The following WSCD2 variants were observed in gnomAD, a reference collection of about 807,000 sequenced individuals.
WSCD2 encodes WSC domain sialate O sulfotransferase 2, also known as sialate:O-sulfotransferase 2.
In WSCD2, 28 loss-of-function variants were observed where a neutral mutation model predicts 55.7. That is an observed-to-expected ratio of 0.50 (90% CI 0.37 to 0.69). The LOEUF (loss-of-function observed/expected upper bound fraction) is 0.69. WSCD2 is among the 30% of genes least tolerant of loss of function. The probability of loss-of-function intolerance (pLI) is 0.00; values close to 1 mark genes in which losing one functional copy is unlikely to be tolerated. For missense variants in WSCD2, 616 were observed against 762.1 expected, an observed-to-expected ratio of 0.81 and a Z score of 2.26; for synonymous variants, 301 against 301.9, an observed-to-expected ratio of 1.00 and a Z score of 0.03.
chr12:108,192,974 T>A (rs1264204246), intron 1 of WSCD2, among the ~76,000 whole-genome samples: 1 of 151,984 alleles, frequency 6.6e-6, no homozygotes, highest in Non-Finnish European at 1.5e-5. Flanking sequence ...TGTCATGAGA[T>A]CCTCAAAGAG....
rs1241375833 is a variant in WSCD2, at chr12:108,155,473, G to A, written c.-552+25547G>A. Among the ~76,000 whole-genome samples the A allele has an allele frequency of 2.6e-5, 4 of 152,224 alleles. No individual in the cohort carries two copies. In the East Asian group the frequency reaches 7.7e-4, roughly 29 times the overall value. ...TTGTTGAATGACTGATTGACTGACAGAAGAAATGGCAGTATGATTCTTGTG... is the reference window on the plus strand; with the variant it reads ...TTGTTGAATGACTGATTGACTGACAAAAGAAATGGCAGTATGATTCTTGTG... On this transcript the variant is annotated intron_variant, in intron 1 of 8. Transcript: ENST00000547525.
At chr12:108,188,835 CA>C (rs1202572826) in intron 1 of WSCD2, among the ~76,000 whole-genome samples, 1 of 152,160 alleles carries the variant, frequency 6.6e-6, no homozygotes, top group Admixed American at 6.5e-5. Context: ...TCCGCCATGG[CA>C]TCATGACACT....
chr12:108,210,393 C>T lies in WSCD2; in HGVS notation c.682+88C>T. The T allele has an allele frequency of 2.1e-6, 3 of 1,449,034 alleles. No homozygotes were observed. The highest frequency in any genetic ancestry group is 2.8e-6 in the Non-Finnish European group (3 of 1,090,288). The allele number at this position is 1,449,034 out of a possible 1,614,324, so 89.8% of individuals were successfully genotyped here. On this transcript the variant is annotated intron_variant, in intron 4 of 8. Transcript: ENST00000547525. This position sits in a 1 kb window ranked among gnomAD's most constrained non-coding sequence, Gnocchi z 4.3. ...AAGAGTCCCACATGTCTGCCCTGTA[C>T]CCTCCATGGCTCCCCATCACTCCAA...
chr12:108,157,548 G>A (rs887975088), intron 1 of WSCD2, among the ~76,000 whole-genome samples: 2 of 151,944 alleles, frequency 1.3e-5, no homozygotes, highest in African/African-American at 2.4e-5. Context: ...TCCCTTTTTT[G>A]TATCTTTTTA....
intron 1 of WSCD2, among the ~76,000 whole-genome samples, chr12:108,136,786 A>C (rs1876272678): frequency 6.6e-6 from 1 of 151,632 alleles, no homozygotes; most frequent in African/African-American, 2.4e-5. Flanking sequence ...GGGGTGATGC[A>C]CGGTTTCAGG....
intron 2 of WSCD2, among the ~76,000 whole-genome samples, chr12:108,201,664 C>T (rs983512137): frequency 3.3e-5 from 5 of 152,112 alleles, no homozygotes; most frequent in Admixed American, 2.6e-4. Context: ...GAACCCAGAT[C>T]TGGTTAGATC....
intron 1 of WSCD2, among the ~76,000 whole-genome samples, chr12:108,185,171 G>A (rs1332700619): frequency 1.3e-5 from 2 of 152,178 alleles, no homozygotes; most frequent in Non-Finnish European, 2.9e-5. Context: ...CAAGCACCTG[G>A]ACCTTGGACC....
intron 1 of WSCD2, among the ~76,000 whole-genome samples, chr12:108,190,369 G>C (rs1215583016): frequency 6.6e-6 from 1 of 151,626 alleles, no homozygotes; most frequent in Non-Finnish European, 1.5e-5. Context: ...GTGAAGCTTG[G>C]GTGGTCTGGG....
At chr12:108,246,031 T>C (rs1188837872) in intron 8 of WSCD2, among the ~76,000 whole-genome samples, 1 of 152,232 alleles carries the variant, frequency 6.6e-6, no homozygotes, top group East Asian at 1.9e-4. Flanking sequence ...AACCGTTCAC[T>C]GAGCACCTGC....
intron 8 of WSCD2, among the ~76,000 whole-genome samples, chr12:108,245,988 A>G (rs954252848): frequency 6.6e-6 from 1 of 152,256 alleles, no homozygotes; most frequent in Non-Finnish European, 1.5e-5. Context: ...CCACACTGCA[A>G]TTTGGCAGTT....
chr12:108,194,258 G>GCTCT (rs1211659523), intron 1 of WSCD2, among the ~76,000 whole-genome samples: 4 of 152,100 alleles, frequency 2.6e-5, no homozygotes, highest in Non-Finnish European at 1.5e-5. Flanking sequence ...TATTCACCAG[G>GCTCT]CTCTCAGGTG....
In WSCD2 at chr12:108,250,170, TAGTG is replaced by T. The variant is rs1890351686; in HGVS notation, c.*1828_*1831del. On this transcript the variant is annotated 3_prime_UTR_variant, in exon 9 of 9. Transcript: ENST00000547525. ...CAGGTTCACAAATGGGATGTTTTCC[TAGTG>T]TGTGTGTGTGTGTGTGTGTGTGTGT... The T allele has an allele frequency of 1.2e-5, 1 of 82,314 alleles. No individual in the cohort carries two copies. The highest frequency in any genetic ancestry group is 1.2e-4 in the Admixed American group (1 of 8,666). The allele number at this position is 82,314 out of a possible 1,614,324, so 5.1% of individuals were successfully genotyped here. A position where few individuals can be genotyped will look rare whatever the true frequency, so the allele number is the denominator to read the frequency against.
intron 4 of WSCD2, among the ~76,000 whole-genome samples, chr12:108,221,397 A>G (rs1345503071): frequency 6.6e-6 from 1 of 152,148 alleles, no homozygotes; most frequent in East Asian, 1.9e-4. Context: ...TCTACTAAAA[A>G]TACAAAAATT....
intron 4 of WSCD2, among the ~76,000 whole-genome samples, chr12:108,218,528 G>A (rs1887108766): frequency 6.6e-6 from 1 of 152,200 alleles, no homozygotes. Context: ...CCCAAAAGAT[G>A]GGTGCCCAGC....
Position 108,210,083 on chromosome 12 carries a change from T to C in WSCD2, c.498-38T>C. ...GTGTCTCCCTGCCTCGGGGTCTCCA[T>C]GGTGGCAGCTACCCTGCTTGACAGC... On this transcript the variant is annotated intron_variant, in intron 3 of 8. Coordinates refer to ENST00000547525, the MANE Select transcript of WSCD2 (RefSeq NM_014653.4). This position sits in a 1 kb window ranked among gnomAD's most constrained non-coding sequence, Gnocchi z 4.3. 6.2e-7 allele frequency: 1 copy of C among 1,613,552 alleles called. No individual in the cohort carries two copies. Among genetic ancestry groups the C allele is most frequent in the Non-Finnish European group, 8.5e-7 (1 of 1,179,738 alleles).
intron 4 of WSCD2, among the ~76,000 whole-genome samples, chr12:108,217,652 A>G (rs752347804): frequency 9.9e-5 from 15 of 152,114 alleles, no homozygotes; most frequent in Non-Finnish European, 2.2e-4. Context: ...GTTTCCCCAC[A>G]AAGTAAAATA....
rs35090663 is a variant in WSCD2 at position 108,207,533 on chromosome 12, C to CT, written c.497+1156dup. 5.9e-3 allele frequency among the ~76,000 whole-genome samples: 316 copies of CT among 53,634 alleles called. 7 individuals are homozygous for CT. The highest frequency in any genetic ancestry group is 0.015 in the Middle Eastern group (1 of 66). 35.2% of individuals were successfully genotyped at this position (53,634 alleles called of 152,430 possible). On this transcript the variant is annotated intron_variant, in intron 3 of 8. Coordinates refer to ENST00000547525, the MANE Select transcript of WSCD2 (RefSeq NM_014653.4). ...TACAGGCGCATGCCACCATGCCTGG[C>CT]TTTTTTTTTTTTTTTTTTTTTTTTT...
At chr12:108,137,505 G>A (rs1163145220) in intron 1 of WSCD2, among the ~76,000 whole-genome samples, 3 of 152,176 alleles carry the variant, frequency 2.0e-5, no homozygotes, top group Non-Finnish European at 4.4e-5. Context: ...GTGACAGCAG[G>A]CAGAAGCAAC....
Position 108,210,220 on chromosome 12 carries a change from C to A in WSCD2, c.597C>A (p.Cys199Ter). 1 of 1,613,832 alleles carries A rather than the reference C, an allele frequency of 6.2e-7. No homozygotes were observed. Among genetic ancestry groups the A allele is most frequent in the East Asian group, 2.2e-5 (1 of 44,874 alleles). Residue 199 changes from cysteine (C) to a stop codon, truncating the protein, a stop_gained, in exon 4 of 9, where the codon TGC (cysteine) becomes TGA (stop). Coordinates refer to ENST00000547525, the MANE Select transcript of WSCD2 (RefSeq NM_014653.4). LOFTEE classifies it high-confidence loss of function. The surrounding 1 kb of genome is among the most constrained non-coding windows in gnomAD (Gnocchi z 4.3). ...NVSEAECDME[C>*]KGERGSVCGG... ...GCGAGGCAGAGTGCGACATGGAGTG[C>A]AAGGGCGAGCGAGGCAGCGTGTGCG...
Sources: gnomAD v4.1 joint callset for allele counts (sites outside exome capture counted in the v4.1 genomes callset) on GRCh38, gnomAD v4.1.1 for gene constraint, Gnocchi (gnomAD v3.1) non-coding constraint, MANE v1.5 for transcripts, NCBI Gene and HGNC (gene_info 2026-07-23, HGNC 2026-07-21) for gene names.